PDGFC: variants seen among roughly 807,000 people sequenced by gnomAD.
The protein encoded by PDGFC is platelet-derived growth factor C.
A neutral mutation model predicts 35.5 loss-of-function variants in PDGFC; 12 were observed. The observed-to-expected ratio is 0.34, with a 90% CI of 0.22 to 0.55. The LOEUF is 0.55. Ranked by LOEUF, PDGFC falls within the 20% of genes least tolerant of loss-of-function variation. PDGFC has a pLI of 0.91. For missense variants in PDGFC, 322 were observed against 412.4 expected (o/e 0.78, Z 1.90); for synonymous variants, 159 against 148.8 (o/e 1.07, Z -0.50).
At chr4:156,883,168 C>A (rs990129093) in intron 1 of PDGFC, among the ~76,000 whole-genome samples, 1 of 151,354 alleles carries the variant, frequency 6.6e-6, no homozygotes, top group Non-Finnish European at 1.5e-5. Context: ...TTTCTAAGCA[C>A]TTTTCTGATT....
chr4:156,886,844 A>G (rs1174768472), intron 1 of PDGFC: 1 of 152,260 alleles, frequency 6.6e-6, no homozygotes, highest in Non-Finnish European at 1.5e-5. Context: ...GGAAAAAATA[A>G]AAGATTTAAC....
chr4:156,897,580 TA>T (rs955133698), intron 1 of PDGFC, among the ~76,000 whole-genome samples: 15 of 152,116 alleles, frequency 9.9e-5, no homozygotes, highest in African/African-American at 3.6e-4. Flanking sequence ...TTTTCTACAT[TA>T]AAAATGAATT....
chr4:156,949,341 GA>G (rs1175973673), intron 1 of PDGFC, among the ~76,000 whole-genome samples: 2 of 151,836 alleles, frequency 1.3e-5, no homozygotes, highest in Non-Finnish European at 2.9e-5. Flanking sequence ...AAGTAATGGG[GA>G]AAAAGTCTAA....
intron 1 of PDGFC, among the ~76,000 whole-genome samples, chr4:156,891,381 G>A (rs891969988): frequency 1.4e-5 from 2 of 141,282 alleles, no homozygotes; most frequent in Admixed American, 1.5e-4. Flanking sequence ...TATGCAGTTT[G>A]TTGTTGACCA....
In PDGFC at chr4:156,762,843, C is replaced by T. The variant is rs972804105; in HGVS notation, c.*247G>A. On this transcript the variant is annotated 3_prime_UTR_variant, in exon 6 of 6. Transcript: ENST00000502773. The stretch of plus-strand genomic sequence containing the variant: ...CTAGCTGGTGATCTATTTAATACAA[C>T]ATTTAATTTTCTTTCCACGATTGAA... The T allele has an allele frequency of 5.0e-6, 2 of 403,532 alleles. No homozygotes were observed. Among genetic ancestry groups the T allele is most frequent in the Non-Finnish European group, 4.5e-6 (1 of 221,364 alleles). 25.0% of individuals were successfully genotyped at this position (403,532 alleles called of 1,614,324 possible). A position where few individuals can be genotyped will look rare whatever the true frequency, so the allele number is the denominator to read the frequency against.
intron 4 of PDGFC, among the ~76,000 whole-genome samples, chr4:156,768,647 A>T (rs1730608094): frequency 6.6e-6 from 1 of 152,148 alleles, no homozygotes. Flanking sequence ...TTGGAAATTC[A>T]GACTAACTAA....
chr4:156,941,282 T>C (rs1378346624), intron 1 of PDGFC, among the ~76,000 whole-genome samples: 1 of 152,190 alleles, frequency 6.6e-6, no homozygotes, highest in African/African-American at 2.4e-5. Flanking sequence ...AAAGTAATGC[T>C]ATTTAACATT....
At chr4:156,909,270 A>T (rs531146151) in intron 1 of PDGFC, among the ~76,000 whole-genome samples, 1 of 152,206 alleles carries the variant, frequency 6.6e-6, no homozygotes, top group Non-Finnish European at 1.5e-5. Flanking sequence ...TATCTCAATA[A>T]AGCTATTATT....
chr4:156,875,138 A>G (rs1038830884), intron 1 of PDGFC, among the ~76,000 whole-genome samples: 3 of 152,196 alleles, frequency 2.0e-5, no homozygotes, highest in Non-Finnish European at 4.4e-5. Flanking sequence ...TTGATGAGTG[A>G]AAGAAGAAAG....
intron 1 of PDGFC, among the ~76,000 whole-genome samples, chr4:156,928,307 T>C (rs775051803): frequency 1.3e-5 from 2 of 152,040 alleles, no homozygotes; most frequent in Non-Finnish European, 2.9e-5. Context: ...CCCAGGATGG[T>C]CTTGAACTCC....
intron 1 of PDGFC, among the ~76,000 whole-genome samples, chr4:156,940,064 T>C (rs970192244): frequency 2.6e-5 from 4 of 152,134 alleles, no homozygotes; most frequent in African/African-American, 9.6e-5. Context: ...TAGTCACATA[T>C]GAAAGCGTTT....
chr4:156,900,443 G>T (rs1271789306), intron 1 of PDGFC, among the ~76,000 whole-genome samples: 1 of 152,182 alleles, frequency 6.6e-6, no homozygotes, highest in Non-Finnish European at 1.5e-5. Context: ...GACACGTAGA[G>T]TAACAGACAT....
At chr4:156,928,421 C>T (rs1731468530) in intron 1 of PDGFC, among the ~76,000 whole-genome samples, 1 of 152,140 alleles carries the variant, frequency 6.6e-6, no homozygotes. Context: ...GCACTTAGAT[C>T]TGTAACCGTG....
intron 2 of PDGFC, among the ~76,000 whole-genome samples, chr4:156,843,294 G>C (rs1352523728): frequency 6.6e-6 from 1 of 152,138 alleles, no homozygotes; most frequent in Non-Finnish European, 1.5e-5. Flanking sequence ...CAATCTGCTG[G>C]TGCCTTGATC....
chr4:156,792,034 GC>G (rs2110884126), intron 3 of PDGFC, among the ~76,000 whole-genome samples: 1 of 152,224 alleles, frequency 6.6e-6, no homozygotes, highest in South Asian at 2.1e-4. Flanking sequence ...TATTTAAAAA[GC>G]AATTTCACCA....
intron 1 of PDGFC, among the ~76,000 whole-genome samples, chr4:156,875,633 T>G (rs1033437383): frequency 6.6e-6 from 1 of 152,248 alleles, no homozygotes; most frequent in East Asian, 1.9e-4. Context: ...AAAAGTGATT[T>G]AAGGCCGGGC....
intron 1 of PDGFC, among the ~76,000 whole-genome samples, chr4:156,951,153 T>C (rs1458321156): frequency 6.6e-6 from 1 of 151,850 alleles, no homozygotes; most frequent in Non-Finnish European, 1.5e-5. Context: ...GATAAAGCAG[T>C]AGGAGAAAAT....
chr4:156,843,658 G>A (rs914490614), intron 2 of PDGFC, among the ~76,000 whole-genome samples: 3 of 151,978 alleles, frequency 2.0e-5, no homozygotes, highest in Admixed American at 1.3e-4. Flanking sequence ...TCTTTTTCCT[G>A]CCATCATGAA....
At chr4:156,886,708 G>A (rs1211665099) in intron 1 of PDGFC, 1 of 152,170 alleles carries the variant, frequency 6.6e-6, no homozygotes, top group Admixed American at 6.5e-5. Flanking sequence ...GACCAATAAT[G>A]GAGAACTTGC....
Sources: gnomAD v4.1 joint callset for allele counts (sites outside exome capture counted in the v4.1 genomes callset) on GRCh38, gnomAD v4.1.1 for gene constraint, MANE v1.5 for transcripts, NCBI Gene and HGNC (gene_info 2026-07-23, HGNC 2026-07-21) for gene names.